The following BMP2K variants were observed in gnomAD, a reference collection of about 807,000 sequenced individuals.
BMP2K encodes the protein BMP-2-inducible protein kinase.
BMP2K carries 74 observed loss-of-function variants against 116.0 expected under a neutral mutation model. The observed-to-expected ratio is 0.64, with a 90% confidence interval of 0.53 to 0.77. BMP2K has a LOEUF of 0.77. Among genes scored for constraint, BMP2K ranks in the 30% least tolerant of loss-of-function variants. BMP2K has a pLI of 0.00. For synonymous variants in BMP2K, 486 were observed against 502.5 expected, an observed-to-expected ratio of 0.97 and a Z score of 0.44; for missense variants, 1,365 against 1,403.6, an observed-to-expected ratio of 0.97 and a Z score of 0.44.
At position 78,776,463 on chromosome 4, in the gene BMP2K, C is replaced by A; in HGVS notation, c.-81C>A. The A allele has an allele frequency of 9.1e-7, 1 of 1,096,140 alleles. No homozygotes were observed. Among genetic ancestry groups the A allele is most frequent in the Non-Finnish European group, 1.1e-6 (1 of 900,972 alleles). 67.9% of individuals were successfully genotyped at this position (1,096,140 alleles called of 1,614,324 possible). ...CTCGGACGGGCCAGGGGCGGCGACC[C>A]CTCGCGGACGCCCGGCTGCGCGCCG... On this transcript the variant is annotated 5_prime_UTR_variant, in exon 1 of 16. Coordinates refer to ENST00000502613, the MANE Select transcript of BMP2K (RefSeq NM_198892.2).
At chr4:78,808,960 T>C in intron 1 of BMP2K, among the ~76,000 whole-genome samples, 1 of 152,228 alleles carries the variant, frequency 6.6e-6, no homozygotes, top group South Asian at 2.1e-4. Context: ...AAATGTCTGT[T>C]AGGTCTAGTT....
intron 1 of BMP2K, among the ~76,000 whole-genome samples, chr4:78,822,537 C>A (rs1248351663): frequency 7.2e-6 from 1 of 138,248 alleles, no homozygotes; most frequent in Admixed American, 6.8e-5. Flanking sequence ...CAGTTTATTT[C>A]ATCAGATCAA....
chr4:78,892,069 A>G (rs1447295010), intron 15 of BMP2K, among the ~76,000 whole-genome samples: 1 of 152,132 alleles, frequency 6.6e-6, no homozygotes, highest in Non-Finnish European at 1.5e-5. Flanking sequence ...TTTCCTTGTA[A>G]TCTGTCAGGC....
At chr4:78,866,439 A>G (rs1297913138) in intron 10 of BMP2K, among the ~76,000 whole-genome samples, 1 of 152,146 alleles carries the variant, frequency 6.6e-6, no homozygotes, top group Non-Finnish European at 1.5e-5. Context: ...TTTGAGTCTC[A>G]CGAACCTGAT....
chr4:78,903,156 ACACC>A (rs1479850965), intron 15 of BMP2K, among the ~76,000 whole-genome samples: 1 of 151,834 alleles, frequency 6.6e-6, no homozygotes, highest in Non-Finnish European at 1.5e-5. Context: ...TCAAATTTTA[ACACC>A]TTCATAAAAG....
intron 1 of BMP2K, among the ~76,000 whole-genome samples, chr4:78,789,410 A>C (rs1313880675): frequency 1.3e-5 from 2 of 151,970 alleles, no homozygotes; most frequent in Non-Finnish European, 2.9e-5. Flanking sequence ...CTGTATAGGC[A>C]TTGGCCTGTA....
intron 7 of BMP2K, among the ~76,000 whole-genome samples, chr4:78,852,863 C>T (rs769976421): frequency 4.6e-5 from 7 of 152,270 alleles, no homozygotes; most frequent in Middle Eastern, 3.4e-3. Flanking sequence ...CACAGTCTCC[C>T]AAAGTGTTGG....
chr4:78,870,859 A>G lies in BMP2K; in HGVS notation c.1308A>G (p.Arg436=). 6.2e-7 allele frequency: 1 copy of G among 1,614,024 alleles called. No homozygotes were observed. The highest frequency in any genetic ancestry group is 8.5e-7 in the Non-Finnish European group (1 of 1,180,010). ...GPPQQPPQQH[R]VLQQLQQGDW... The stretch of plus-strand genomic sequence containing the variant: ...CTCAGCAGCCGCCACAGCAGCATAG[A>G]GTACTCCAGCAACTACAGCAGGGAG... The change falls in exon 11 of 16, where the codon AGA becomes AGG. Residue 436 remains arginine, a synonymous_variant. Transcript: ENST00000502613.
Position 78,910,831 on chromosome 4 carries a change from G to A in BMP2K, c.2284G>A (p.Glu762Lys), listed in dbSNP as rs1256059536. Reference protein sequence around the residue: ...KSSEEEEQDDEEVLQGEQGDF... With the variant: ...KSSEEEEQDDKEVLQGEQGDF... ...CAGTGAAGAGGAAGAGCAAGATGATGAAGAAGTTCTTCAGGGGGAACAAGG... is the reference window on the plus strand; with the variant it reads ...CAGTGAAGAGGAAGAGCAAGATGATAAAGAAGTTCTTCAGGGGGAACAAGG... The change falls in exon 16 of 16, where the codon GAA (glutamate) becomes AAA (lysine). Residue 762 changes from glutamate (E) to lysine (K), a missense_variant. By Grantham distance (56) the Glu-to-Lys change is moderately conservative. Coordinates refer to ENST00000502613, the MANE Select transcript of BMP2K (RefSeq NM_198892.2). 6.2e-7 allele frequency: 1 copy of A among 1,612,884 alleles called. No individual in the cohort carries two copies. Among genetic ancestry groups the A allele is most frequent in the African/African-American group, 1.3e-5 (1 of 74,936 alleles).
chr4:78,847,497 G>A (rs1731065286), intron 6 of BMP2K, among the ~76,000 whole-genome samples: 1 of 151,326 alleles, frequency 6.6e-6, no homozygotes, highest in Admixed American at 6.6e-5. Context: ...TCCATATAAT[G>A]TAACTTTTTA....
At chr4:78,899,986 T>C (rs1435646414) in intron 15 of BMP2K, among the ~76,000 whole-genome samples, 1 of 152,194 alleles carries the variant, frequency 6.6e-6, no homozygotes, top group African/African-American at 2.4e-5. Context: ...TGTTGATATA[T>C]ACAGTCGATC....
intron 1 of BMP2K, among the ~76,000 whole-genome samples, chr4:78,806,134 TA>T (rs919135659): frequency 4.6e-5 from 7 of 150,904 alleles, no homozygotes; most frequent in South Asian, 2.1e-4. Flanking sequence ...TTAGCTCTGA[TA>T]GGGGGTGTGT....
chr4:78,826,088 C>T lies in BMP2K; in HGVS notation c.230C>T (p.Ala77Val), dbSNP rs1350415823. Residue 77 changes from alanine (A) to valine (V), a missense_variant, in exon 2 of 16, where the codon GCA becomes GTA. Transcript: ENST00000502613. ...LVRTHGGIRC[A>V]LKRMYVNNMP... ...CGTACTCACGGTGGAATCCGATGTG[C>T]ATTGAAGCGAATGTATGTCAATAAC... 1 of 1,614,166 alleles carries T rather than the reference C, an allele frequency of 6.2e-7. No individual in the cohort carries two copies. Among genetic ancestry groups the T allele is most frequent in the African/African-American group, 1.3e-5 (1 of 75,036 alleles).
intron 1 of BMP2K, among the ~76,000 whole-genome samples, chr4:78,790,657 G>GT (rs1331327308): frequency 6.6e-6 from 1 of 152,118 alleles, no homozygotes; most frequent in Admixed American, 6.5e-5. Context: ...AACTATGGAA[G>GT]TAACACCATC....
Position 78,805,826 on chromosome 4 carries a change from C to T in BMP2K, c.179-20211C>T, listed in dbSNP as rs560881372. On this transcript the variant is annotated intron_variant, in intron 1 of 15. Transcript: ENST00000502613. ...CTCTACTAAAAATACAAAAAATTAG[C>T]CGGGCACGGTGGCGGGCGTTTGTAG... is the stretch of plus-strand genomic sequence containing the variant. 2.6e-3 allele frequency among the ~76,000 whole-genome samples: 393 copies of T among 152,056 alleles called. 1 individual carries two copies. Among genetic ancestry groups the T allele is most frequent in the Non-Finnish European group, 4.4e-3 (302 of 67,988 alleles).
chr4:78,878,726 T>C lies in BMP2K; in HGVS notation c.1794-8T>C. 6.3e-7 allele frequency: 1 copy of C among 1,578,210 alleles called. No homozygotes were observed. The highest frequency in any genetic ancestry group is 8.6e-7 in the Non-Finnish European group (1 of 1,166,524). On this transcript the variant is annotated splice_polypyrimidine_tract_variant and splice_region_variant and intron_variant, in intron 13 of 15. Coordinates refer to ENST00000502613, the MANE Select transcript of BMP2K (RefSeq NM_198892.2). The stretch of plus-strand genomic sequence containing the variant: ...ATCTTCTTTTTTCTTACTCAATTAT[T>C]ACTATAGGTCAGTTGCTGATAAAGA...
intron 2 of BMP2K, among the ~76,000 whole-genome samples, chr4:78,827,438 T>C (rs1005766510): frequency 5.3e-5 from 8 of 152,150 alleles, no homozygotes; most frequent in African/African-American, 1.7e-4. Flanking sequence ...TCTCTGTCTG[T>C]CTTGCTGACA....
chr4:78,800,745 A>C (rs1223165676), intron 1 of BMP2K, among the ~76,000 whole-genome samples: 1 of 152,196 alleles, frequency 6.6e-6, no homozygotes, highest in Non-Finnish European at 1.5e-5. Flanking sequence ...TAAACATCTA[A>C]AAAATGGCAA....
chr4:78,894,253 T>C (rs1733585576), intron 15 of BMP2K, among the ~76,000 whole-genome samples: 1 of 152,244 alleles, frequency 6.6e-6, no homozygotes, highest in South Asian at 2.1e-4. Flanking sequence ...GTCTGTCCTT[T>C]GAATCTTTGA....
Sources: allele counts gnomAD v4.1 joint callset (sites outside exome capture counted in the v4.1 genomes callset), GRCh38; gene constraint gnomAD v4.1.1; transcripts MANE v1.5; gene names NCBI Gene and HGNC (gene_info 2026-07-23, HGNC 2026-07-21).